ATP6V0A1: variants seen among roughly 807,000 people sequenced by gnomAD.
ATP6V0A1 encodes ATPase H+ transporting V0 subunit a1.
A neutral mutation model predicts 105.4 loss-of-function variants in ATP6V0A1; 43 were observed. The ratio of observed to expected loss-of-function variants is 0.41; its 90% CI spans 0.32 to 0.53. The LOEUF is 0.53. Among genes scored for constraint, ATP6V0A1 ranks in the 20% least tolerant of loss-of-function variants. The pLI, the probability that ATP6V0A1 is intolerant of heterozygous loss-of-function variation, is 0.30. For synonymous variants in ATP6V0A1, 362 were observed against 372.8 expected, an observed-to-expected ratio of 0.97 and a Z score of 0.33; for missense variants, 676 against 1,051.1, an observed-to-expected ratio of 0.64 and a Z score of 4.93.
Position 42,494,460 on chromosome 17 carries a change from A to G in ATP6V0A1, c.1301A>G (p.Lys434Arg). The G allele has an allele frequency of 6.2e-7, 1 of 1,612,724 alleles. No homozygotes were observed. The highest frequency in any genetic ancestry group is 8.5e-7 in the Non-Finnish European group (1 of 1,179,530). The part of the protein sequence containing the change: ...VLRESRILSQ[K>R]NENEMFSTVF... ...AGGGAGAGCCGGATCCTTTCCCAGA[A>G]GAATGAGAATGAGGTAATGTTTAAG... The change falls in exon 12 of 22, where the codon AAG becomes AGG. Residue 434 changes from lysine (K) to arginine (R), a missense_variant. Around this residue, in one of 3 missense-constraint regions of ATP6V0A1, gnomAD observed 435 missense variants for 642.2 expected, o/e 0.68. Coordinates refer to ENST00000343619, the MANE Select transcript of ATP6V0A1 (RefSeq NM_001130021.3).
Position 42,495,137 on chromosome 17 carries a change from A to C in ATP6V0A1, c.1418A>C (p.Asn473Thr), listed in dbSNP as rs1176425712. 3 of 1,614,096 alleles carry C rather than the reference A, an allele frequency of 1.9e-6. No homozygotes were observed. In the African/African-American group the frequency reaches 4.0e-5, roughly 22 times the overall value. Residue 473 changes from asparagine to threonine, a missense_variant, in exon 13 of 22, where the codon AAT (asparagine) becomes ACT (threonine). This residue lies in a region of ATP6V0A1 where 435 missense variants were observed against 642.2 expected (regional missense o/e 0.68). Transcript: ENST00000343619. ...AATGATTGCTTTTCCAAGTCTCTTAATATCTTTGGGTCATCCTGGAGTGTA... is the reference window on the plus strand; with the variant it reads ...AATGATTGCTTTTCCAAGTCTCTTACTATCTTTGGGTCATCCTGGAGTGTA... ...IYNDCFSKSL[N>T]IFGSSWSVRP...
At chr17:42,462,608 C>T (rs989674618) in intron 2 of ATP6V0A1, among the ~76,000 whole-genome samples, 3 of 151,894 alleles carry the variant, frequency 2.0e-5, no homozygotes, top group East Asian at 1.9e-4. Flanking sequence ...TTAGTAGAGA[C>T]GGGGTTTCAC....
chr17:42,494,979 C>T, intron 12 of ATP6V0A1, 55 bp from the exon 13 acceptor site: 1 of 1,548,630 alleles, frequency 6.5e-7, no homozygotes, highest in Non-Finnish European at 8.9e-7. Context: ...ATAACATTGT[C>T]ACAATGTGAG....
At chr17:42,518,419 G>T (rs2092711028) in intron 21 of ATP6V0A1, 1 of 152,262 alleles carries the variant, frequency 6.6e-6, no homozygotes, top group Non-Finnish European at 1.5e-5. Flanking sequence ...TGCCATCATT[G>T]CCCTGATATT....
chr17:42,478,368 G>GAT lies in ATP6V0A1; in HGVS notation c.507-85_507-84dup, dbSNP rs200918539. 4,711 of 856,782 alleles carry GAT rather than the reference G, an allele frequency of 5.5e-3. 164 individuals are homozygous for GAT. In the African/African-American group the frequency reaches 0.08, roughly 15 times the overall value. The allele number at this position is 856,782 out of a possible 1,614,324, so 53.1% of individuals were successfully genotyped here. On this transcript the variant is annotated intron_variant, in intron 6 of 21. Transcript: ENST00000343619. ...TAGAACTTAAAGTATAATAAAAAAA[G>GAT]ATATATATATAAATATAAATAAAAA...
chr17:42,464,472 G>A (rs888030225), intron 2 of ATP6V0A1, among the ~76,000 whole-genome samples: 6 of 151,650 alleles, frequency 4.0e-5, no homozygotes, highest in African/African-American at 1.2e-4. Context: ...GCACGATCTC[G>A]GCTCATTGCA....
intron 21 of ATP6V0A1, chr17:42,520,003 G>T: frequency 6.1e-6 from 1 of 163,584 alleles, no homozygotes. Flanking sequence ...TTGGCTTGGA[G>T]GGAGGAATCT....
chr17:42,520,275 G>C, intron 21 of ATP6V0A1: 1 of 368,000 alleles, frequency 2.7e-6, no homozygotes, highest in Non-Finnish European at 5.4e-6. Context: ...CTGGGCAGCT[G>C]TCCAGGGTGA....
intron 5 of ATP6V0A1, chr17:42,471,421 CAA>C (rs543931458): frequency 5.9e-4 from 52 of 88,262 alleles, no homozygotes; most frequent in African/African-American, 5.7e-4. Flanking sequence ...GACTCTGTCT[CAA>C]AAAAAAAAAA....
rs373621468 is a variant in ATP6V0A1, at chr17:42,476,137, C to T, written c.424-1523C>T. Among the ~76,000 whole-genome samples the T allele has an allele frequency of 9.2e-5, 14 of 152,238 alleles. No individual in the cohort carries two copies. In the South Asian group the frequency reaches 2.3e-3, roughly 25 times the overall value. On this transcript the variant is annotated intron_variant, in intron 5 of 21. Coordinates refer to ENST00000343619, the MANE Select transcript of ATP6V0A1 (RefSeq NM_001130021.3). Reference sequence around the variant, plus strand: ...AGCTGATTTGATTGCAAGTAGAAACCGAAAGAACCCCCTCAACTTACATGT... The same window carrying T: ...AGCTGATTTGATTGCAAGTAGAAACTGAAAGAACCCCCTCAACTTACATGT...
intron 2 of ATP6V0A1, among the ~76,000 whole-genome samples, chr17:42,461,474 A>G (rs2086392648): frequency 6.6e-6 from 1 of 152,302 alleles, no homozygotes; most frequent in African/African-American, 2.4e-5. Context: ...GAAGCTATCT[A>G]AAGAATATGG....
At chr17:42,513,770 C>T (rs2146297713) in intron 19 of ATP6V0A1, 91 bp from the exon 20 acceptor site, 4 of 1,250,828 alleles carry the variant, frequency 3.2e-6, no homozygotes, top group Non-Finnish European at 4.6e-6. Context: ...TGCCCTGGCC[C>T]AGGTTCAAAG....
intron 11 of ATP6V0A1, among the ~76,000 whole-genome samples, chr17:42,491,265 T>C (rs188345779): frequency 1.2e-4 from 19 of 152,228 alleles, no homozygotes; most frequent in Non-Finnish European, 1.6e-4. Context: ...AATAACTGAA[T>C]TAAAATTAAA....
intron 11 of ATP6V0A1, among the ~76,000 whole-genome samples, chr17:42,493,154 CT>C (rs571065993): frequency 1.3e-5 from 2 of 151,094 alleles, no homozygotes. Flanking sequence ...TTTTAAATGG[CT>C]TTTTTTTTGG....
At chr17:42,488,628 G>A (rs918312397) in intron 10 of ATP6V0A1, among the ~76,000 whole-genome samples, 3 of 152,092 alleles carry the variant, frequency 2.0e-5, no homozygotes, top group Non-Finnish European at 4.4e-5. Context: ...CCACCATCAT[G>A]CGTGGCTAAT....
intron 9 of ATP6V0A1, among the ~76,000 whole-genome samples, chr17:42,485,436 T>C (rs571253069): frequency 2.0e-5 from 3 of 152,200 alleles, no homozygotes; most frequent in Non-Finnish European, 4.4e-5. Flanking sequence ...TAAAAAGGGA[T>C]TGAATACCAA....
intron 9 of ATP6V0A1, 127 bp from the exon 10 acceptor site, chr17:42,487,028 G>T: frequency 2.3e-6 from 2 of 876,100 alleles, no homozygotes; most frequent in East Asian, 2.6e-5. Flanking sequence ...AACCATTCTA[G>T]CCAGAGGAAG....
chr17:42,483,186 A>G (rs774811493), intron 9 of ATP6V0A1, 55 bp downstream of exon 9: 2 of 1,313,466 alleles, frequency 1.5e-6, no homozygotes, highest in Non-Finnish European at 2.0e-6. Context: ...ATACGAGACC[A>G]TTATCCTTCC....
At chr17:42,471,896 G>GT (rs989895403) in intron 5 of ATP6V0A1, among the ~76,000 whole-genome samples, 10 of 152,124 alleles carry the variant, frequency 6.6e-5, no homozygotes, top group African/African-American at 2.2e-4. Context: ...CTAAAGTACA[G>GT]TAACTGTCTT....
Sources: allele counts gnomAD v4.1 joint callset (sites outside exome capture counted in the v4.1 genomes callset), GRCh38; gene constraint gnomAD v4.1.1; regional missense constraint gnomAD v4.1.1; transcripts MANE v1.5; gene names NCBI Gene and HGNC (gene_info 2026-07-23, HGNC 2026-07-21).